Variants in LRBA observed in about 807,000 individuals in gnomAD.
LRBA encodes the protein lipopolysaccharide-responsive and beige-like anchor protein.
A neutral mutation model predicts 330.0 loss-of-function variants in LRBA; 176 were observed. That is an observed-to-expected ratio of 0.53 (90% CI 0.47 to 0.60). The LOEUF is 0.60. Among genes scored for constraint, LRBA ranks in the 20% least tolerant of loss-of-function variants. The probability of loss-of-function intolerance (pLI) is 0.00; values close to 1 mark genes in which losing one functional copy is unlikely to be tolerated. For missense variants in LRBA, 3,259 were observed against 3,444.8 expected, an observed-to-expected ratio of 0.95 and a Z score of 1.35; for synonymous variants, 1,230 against 1,193.0, an observed-to-expected ratio of 1.03 and a Z score of -0.64.
At chr4:150,353,082 T>A (rs373756958) in intron 47 of LRBA, among the ~76,000 whole-genome samples, 242 of 152,260 alleles carry the variant, frequency 1.6e-3, no homozygotes, top group African/African-American at 5.6e-3. Flanking sequence ...CAGGCTTACA[T>A]CCTTTTTGGT....
rs2127113905 is a variant in LRBA, at chr4:150,728,481, A to G, written c.5754+6777T>C. On this transcript the variant is annotated intron_variant, in intron 36 of 56. Coordinates refer to ENST00000651943, the MANE Select transcript of LRBA (RefSeq NM_001364905.1). ...AGCAAGCTGAATTTAAAAATACATTAAAAAGGTCATTAATCATGACCAAGT... is the reference window on the plus strand; with the variant it reads ...AGCAAGCTGAATTTAAAAATACATTGAAAAGGTCATTAATCATGACCAAGT... 2.0e-5 allele frequency among the ~76,000 whole-genome samples: 3 copies of G among 152,270 alleles called. No homozygotes were observed. In the South Asian group the frequency reaches 6.2e-4, roughly 32 times the overall value.
chr4:150,639,374 A>AG lies in LRBA; in HGVS notation c.5922-40244_5922-40243insC, dbSNP rs1201917370. 1.2e-3 allele frequency among the ~76,000 whole-genome samples: 158 copies of AG among 131,640 alleles called. 1 individual carries two copies. The Middle Eastern group carries it at 0.023, about 19-fold the overall frequency. 86.4% of individuals were successfully genotyped at this position (131,640 alleles called of 152,430 possible). A position where few individuals can be genotyped will look rare whatever the true frequency, so the allele number is the denominator to read the frequency against. On this transcript the variant is annotated intron_variant, in intron 37 of 56. Transcript: ENST00000651943. ...TTAAAGTATAATAAAAAAAAAAAAG[A>AG]AAAAAAAAAACAAAGAAAAAAAAGA...
intron 30 of LRBA, among the ~76,000 whole-genome samples, chr4:150,823,033 TC>T (rs1335053429): frequency 6.6e-6 from 1 of 152,192 alleles, no homozygotes; most frequent in Non-Finnish European, 1.5e-5. Context: ...GTAATTACAC[TC>T]CCACCAACAG....
chr4:150,450,046 A>C (rs1018963579), intron 44 of LRBA, among the ~76,000 whole-genome samples: 7 of 152,172 alleles, frequency 4.6e-5, no homozygotes, highest in Non-Finnish European at 7.4e-5. Flanking sequence ...TTGTCCATAA[A>C]AAAAAAGTTA....
intron 37 of LRBA, among the ~76,000 whole-genome samples, chr4:150,635,271 A>G (rs1335995870): frequency 6.6e-6 from 1 of 152,206 alleles, no homozygotes; most frequent in African/African-American, 2.4e-5. Context: ...CCTATGTGAC[A>G]ATGGTACCAA....
intron 37 of LRBA, among the ~76,000 whole-genome samples, chr4:150,632,287 A>G (rs1264535999): frequency 6.6e-6 from 1 of 152,160 alleles, no homozygotes; most frequent in Non-Finnish European, 1.5e-5. Flanking sequence ...TAGGATCACA[A>G]AAGAACTAAT....
intron 47 of LRBA, among the ~76,000 whole-genome samples, chr4:150,376,227 A>G (rs1271744976): frequency 6.6e-6 from 1 of 152,180 alleles, no homozygotes; most frequent in Admixed American, 6.5e-5. Flanking sequence ...TGGAAGAAGG[A>G]AAGGTGTCCT....
chr4:150,594,953 G>A (rs949446439), intron 38 of LRBA, among the ~76,000 whole-genome samples: 4 of 151,938 alleles, frequency 2.6e-5, no homozygotes, highest in Non-Finnish European at 4.4e-5. Flanking sequence ...TACTGAGCAA[G>A]TGAACTGGAA....
intron 37 of LRBA, among the ~76,000 whole-genome samples, chr4:150,662,478 G>A (rs1047802042): frequency 6.6e-6 from 1 of 152,158 alleles, no homozygotes; most frequent in African/African-American, 2.4e-5. Context: ...TTAAATCCCT[G>A]GGGGTGCAAT....
chr4:150,894,207 G>GATATTATGT (rs1169036335), intron 16 of LRBA, among the ~76,000 whole-genome samples: 4 of 152,074 alleles, frequency 2.6e-5, no homozygotes, highest in African/African-American at 9.7e-5. Context: ...GTAGGGCTAA[G>GATATTATGT]ATATTATGTA....
intron 37 of LRBA, among the ~76,000 whole-genome samples, chr4:150,631,681 G>A (rs1208863265): frequency 6.6e-6 from 1 of 152,112 alleles, no homozygotes; most frequent in Admixed American, 6.5e-5. Flanking sequence ...TACAGGTGAG[G>A]GATATGAAAG....
intron 45 of LRBA, among the ~76,000 whole-genome samples, chr4:150,436,359 C>A (rs1458030218): frequency 6.6e-6 from 1 of 152,154 alleles, no homozygotes; most frequent in Admixed American, 6.5e-5. Context: ...TACCAACAAA[C>A]TTACCTTATT....
At chr4:150,987,104 G>A (rs1040772239) in intron 2 of LRBA, among the ~76,000 whole-genome samples, 5 of 152,148 alleles carry the variant, frequency 3.3e-5, no homozygotes, top group Non-Finnish European at 7.3e-5. Context: ...ATTTACATAA[G>A]AAGGGTTTTC....
chr4:150,461,504 C>T (rs763008686), intron 44 of LRBA, among the ~76,000 whole-genome samples: 5 of 151,718 alleles, frequency 3.3e-5, no homozygotes, highest in Admixed American at 2.6e-4. Context: ...ATTCTACCTA[C>T]GTGCAACTTG....
At chr4:150,338,586 C>T (rs1444159182) in intron 48 of LRBA, among the ~76,000 whole-genome samples, 1 of 152,166 alleles carries the variant, frequency 6.6e-6, no homozygotes, top group Non-Finnish European at 1.5e-5. Context: ...CTGCTCCAGC[C>T]TCTGCTGTGT....
At chr4:150,990,960 C>G (rs577262690) in intron 2 of LRBA, among the ~76,000 whole-genome samples, 3 of 150,964 alleles carry the variant, frequency 2.0e-5, no homozygotes, top group Non-Finnish European at 4.4e-5. Context: ...AGCGCTGAAC[C>G]AGGGAGGCGC....
At chr4:150,717,768 G>A (rs539275920) in intron 36 of LRBA, among the ~76,000 whole-genome samples, 4 of 149,580 alleles carry the variant, frequency 2.7e-5, no homozygotes, top group South Asian at 2.1e-4. Context: ...CAAAAAAACC[G>A]AGAGACCACC....
At chr4:150,747,980 T>A (rs1380732159) in intron 35 of LRBA, among the ~76,000 whole-genome samples, 2 of 152,164 alleles carry the variant, frequency 1.3e-5, no homozygotes, top group Non-Finnish European at 2.9e-5. Flanking sequence ...ATCTAACATT[T>A]CCAGAGCAGA....
At chr4:150,598,181 C>G (rs1773712976) in intron 38 of LRBA, among the ~76,000 whole-genome samples, 1 of 152,080 alleles carries the variant, frequency 6.6e-6, no homozygotes, top group African/African-American at 2.4e-5. Context: ...ATTAAAAGTA[C>G]TTCTGACTTT....
Sources: allele counts gnomAD v4.1 joint callset (sites outside exome capture counted in the v4.1 genomes callset), GRCh38; gene constraint gnomAD v4.1.1; transcripts MANE v1.5; gene names NCBI Gene and HGNC (gene_info 2026-07-23, HGNC 2026-07-21).